ZCCHC14: variants seen among roughly 807,000 people sequenced by gnomAD.
ZCCHC14 encodes the protein zinc finger CCHC domain-containing protein 14.
ZCCHC14 carries 16 observed loss-of-function variants against 85.0 expected under a neutral mutation model. That is an observed-to-expected ratio of 0.19 (90% CI 0.13 to 0.29). The LOEUF (loss-of-function observed/expected upper bound fraction) is 0.29, where lower values mean the gene tolerates loss of function less well. ZCCHC14 is among the 10% of genes least tolerant of loss of function. The pLI, the probability that ZCCHC14 is intolerant of heterozygous loss-of-function variation, is 1.00. For synonymous variants in ZCCHC14, 775 were observed against 630.7 expected, an observed-to-expected ratio of 1.23 and a Z score of -3.43; for missense variants, 1,303 against 1,443.5, an observed-to-expected ratio of 0.90 and a Z score of 1.58.
chr16:87,457,277 C>G (rs971944265), intron 2 of ZCCHC14, among the ~76,000 whole-genome samples: 1 of 152,238 alleles, frequency 6.6e-6, no homozygotes, highest in African/African-American at 2.4e-5. Context: ...GCCCACACAA[C>G]GGTGTGTTTT....
chr16:87,468,088 T>C (rs1911611052), intron 1 of ZCCHC14, among the ~76,000 whole-genome samples: 1 of 152,242 alleles, frequency 6.6e-6, no homozygotes, highest in Non-Finnish European at 1.5e-5. Context: ...CTCTTAAGAA[T>C]GGTACATTTA....
chr16:87,466,143 G>A (rs900163891), intron 1 of ZCCHC14, among the ~76,000 whole-genome samples: 42 of 144,974 alleles, frequency 2.9e-4, no homozygotes, highest in African/African-American at 1.1e-3. Flanking sequence ...TTAAAAAAAG[G>A]TTTGTCCTTA....
intron 7 of ZCCHC14, among the ~76,000 whole-genome samples, chr16:87,418,348 A>T (rs1908904512): frequency 6.6e-6 from 1 of 152,166 alleles, no homozygotes; most frequent in South Asian, 2.1e-4. Flanking sequence ...CTACCCCGAC[A>T]CCAGGAGGAT....
chr16:87,452,168 G>C (rs994523622), intron 2 of ZCCHC14, among the ~76,000 whole-genome samples: 2 of 152,278 alleles, frequency 1.3e-5, no homozygotes, highest in African/African-American at 4.8e-5. Context: ...GCCTAGATGA[G>C]GGGGAAGAAA....
intron 2 of ZCCHC14, among the ~76,000 whole-genome samples, chr16:87,446,082 AC>A (rs1157509686): frequency 6.6e-6 from 1 of 151,288 alleles, no homozygotes; most frequent in Non-Finnish European, 1.5e-5. Context: ...CAGAAGAATC[AC>A]TTAAACCCGG....
At chr16:87,477,411 C>T (rs540680422) in intron 1 of ZCCHC14, among the ~76,000 whole-genome samples, 203 of 152,312 alleles carry the variant, frequency 1.3e-3, no homozygotes, top group African/African-American at 4.7e-3. Context: ...GGGGCAGCCC[C>T]GGGCATCAGC....
At chr16:87,469,934 C>A (rs1476799741) in intron 1 of ZCCHC14, among the ~76,000 whole-genome samples, 1 of 152,144 alleles carries the variant, frequency 6.6e-6, no homozygotes, top group African/African-American at 2.4e-5. Context: ...GACATGTGAT[C>A]GTCTGTTCTA....
intron 1 of ZCCHC14, chr16:87,470,447 G>GC (rs1480902272): frequency 1.3e-5 from 1 of 74,868 alleles, no homozygotes; most frequent in African/African-American, 2.2e-4. Context: ...TAAAGCTGCA[G>GC]GGGGTGGCCT....
At chr16:87,413,659 G>A (rs755957362) in intron 10 of ZCCHC14, among the ~76,000 whole-genome samples, 7 of 151,942 alleles carry the variant, frequency 4.6e-5, no homozygotes, top group African/African-American at 7.3e-5. Flanking sequence ...CGGAGCAAGC[G>A]CGCCAGGTGT....
intron 1 of ZCCHC14, among the ~76,000 whole-genome samples, chr16:87,466,601 G>T (rs974542351): frequency 2.7e-5 from 4 of 148,088 alleles, no homozygotes; most frequent in Non-Finnish European, 5.9e-5. Context: ...AGTATTAGAA[G>T]ACAAATGGGC....
rs1567506614 is a variant in ZCCHC14 at position 87,411,647 on chromosome 16, G to A, written c.3074C>T (p.Thr1025Ile). ...FMAGTAGVYQ[T>I]QGLVGSSNGS... ...ATTGCTACTGCCCACCAGTCCTTGG[G>A]TCTGGTACACCCCTGCTGTCCCTGC... Residue 1025 changes from threonine (T) to isoleucine (I), a missense_variant, in exon 12 of 13, where the codon ACC becomes ATC. By Grantham distance (89) the Thr-to-Ile change is moderately conservative. Around this residue, in one of 7 missense-constraint regions of ZCCHC14, gnomAD observed 797 missense variants for 730.8 expected, o/e 1.09. Coordinates refer to ENST00000671377, the MANE Select transcript of ZCCHC14 (RefSeq NM_015144.3). The A allele has an allele frequency of 4.3e-6, 7 of 1,613,846 alleles. No individual in the cohort carries two copies. The highest frequency in any genetic ancestry group is 5.9e-6 in the Non-Finnish European group (7 of 1,179,980).
At position 87,417,754 on chromosome 16, in the gene ZCCHC14, G is replaced by T; in HGVS notation, c.1101-12C>A. ...CTCCACACACAGGCCTGTGGGACAG[G>T]GGCAGGAGGGACACAGAGAGACTGT... is the stretch of plus-strand genomic sequence containing the variant. On this transcript the variant is annotated splice_polypyrimidine_tract_variant and intron_variant, in intron 7 of 12. Transcript: ENST00000671377. 2 of 1,567,534 alleles carry T rather than the reference G, an allele frequency of 1.3e-6. No individual in the cohort carries two copies. Among genetic ancestry groups the T allele is most frequent in the Non-Finnish European group, 8.6e-7 (1 of 1,159,696 alleles).
chr16:87,415,915 T>C (rs1908757937), intron 8 of ZCCHC14, among the ~76,000 whole-genome samples: 1 of 152,118 alleles, frequency 6.6e-6, no homozygotes, highest in Non-Finnish European at 1.5e-5. Context: ...GCTCTTATTT[T>C]GTTTTTGTTT....
chr16:87,407,605 CAG>C lies in ZCCHC14; in HGVS notation c.*2673_*2674del, dbSNP rs1396517288. On this transcript the variant is annotated 3_prime_UTR_variant, in exon 13 of 13. Coordinates refer to ENST00000671377, the MANE Select transcript of ZCCHC14 (RefSeq NM_015144.3). ...TCCCCATTCTTGGAGATTAAAAAAACAGGGTTAGAAACTTTAATATCTGACAG... is the reference window on the plus strand; with the variant it reads ...TCCCCATTCTTGGAGATTAAAAAAACGGTTAGAAACTTTAATATCTGACAG... 6 of 152,278 alleles carry C rather than the reference CAG, an allele frequency of 3.9e-5. No individual in the cohort carries two copies. In the East Asian group the frequency reaches 1.2e-3, roughly 29 times the overall value. 9.4% of individuals were successfully genotyped at this position (152,278 alleles called of 1,614,324 possible).
intron 1 of ZCCHC14, among the ~76,000 whole-genome samples, chr16:87,462,398 A>G (rs1054256035): frequency 7.2e-5 from 11 of 152,212 alleles, no homozygotes; most frequent in African/African-American, 2.4e-4. Context: ...CAAACAGTAC[A>G]TATTACTTTG....
intron 2 of ZCCHC14, among the ~76,000 whole-genome samples, chr16:87,442,680 G>A (rs182050245): frequency 6.6e-6 from 1 of 152,270 alleles, no homozygotes; most frequent in East Asian, 1.9e-4. Context: ...ATCCAAACAA[G>A]ATAAGCCCAA....
At chr16:87,421,696 G>A (rs776147526) in intron 4 of ZCCHC14, among the ~76,000 whole-genome samples, 65 of 152,276 alleles carry the variant, frequency 4.3e-4, no homozygotes, top group African/African-American at 1.3e-3. Flanking sequence ...GCAAAACGGC[G>A]GAGAAGACCC....
intron 2 of ZCCHC14, among the ~76,000 whole-genome samples, chr16:87,433,427 C>A (rs1389106971): frequency 6.6e-6 from 1 of 152,140 alleles, no homozygotes; most frequent in Admixed American, 6.6e-5. Context: ...CAAAGCCACA[C>A]CTGGCAATGG....
chr16:87,475,805 G>A (rs1028748830), intron 1 of ZCCHC14, among the ~76,000 whole-genome samples: 1 of 152,094 alleles, frequency 6.6e-6, no homozygotes, highest in Non-Finnish European at 1.5e-5. Flanking sequence ...AGTCCCATAA[G>A]GAGAGAGAGA....
Sources: gnomAD v4.1 joint callset for allele counts (sites outside exome capture counted in the v4.1 genomes callset) on GRCh38, gnomAD v4.1.1 for gene constraint, gnomAD v4.1.1 regional missense constraint, MANE v1.5 for transcripts, NCBI Gene and HGNC (gene_info 2026-07-23, HGNC 2026-07-21) for gene names.